The following PHACTR1 variants were observed in gnomAD, a reference collection of about 807,000 sequenced individuals.
PHACTR1 encodes phosphatase and actin regulator 1.
Under a neutral mutation model 69.2 loss-of-function variants are expected in PHACTR1, and 16 were observed. That is an observed-to-expected ratio of 0.23 (90% CI 0.16 to 0.35). The LOEUF (loss-of-function observed/expected upper bound fraction) is 0.35, where lower values mean the gene tolerates loss of function less well. PHACTR1 is among the 10% of genes least tolerant of loss of function. The probability of loss-of-function intolerance (pLI) is 1.00; values close to 1 mark genes in which losing one functional copy is unlikely to be tolerated. For missense variants in PHACTR1, 510 were observed against 734.7 expected (o/e 0.69, Z 3.54); for synonymous variants, 312 against 284.5 (o/e 1.10, Z -0.97).
chr6:12,880,202 A>T (rs1782944155), intron 4 of PHACTR1, among the ~76,000 whole-genome samples: 1 of 150,514 alleles, frequency 6.6e-6, no homozygotes, highest in African/African-American at 2.4e-5. Context: ...ATACTCTCAG[A>T]TTGTCTCTAG....
intron 5 of PHACTR1, among the ~76,000 whole-genome samples, chr6:13,073,633 C>T (rs1258669320): frequency 1.3e-5 from 2 of 151,920 alleles, no homozygotes; most frequent in African/African-American, 4.8e-5. Flanking sequence ...TGAGCCACCA[C>T]GCCTGACCCA....
intron 7 of PHACTR1, among the ~76,000 whole-genome samples, chr6:13,186,014 C>T (rs538396541): frequency 3.3e-5 from 5 of 152,258 alleles, no homozygotes; most frequent in African/African-American, 7.2e-5. Flanking sequence ...CTGTCTTTCA[C>T]GTGATACTGA....
intron 4 of PHACTR1, among the ~76,000 whole-genome samples, chr6:12,985,494 C>G (rs560316774): frequency 4.9e-4 from 71 of 144,912 alleles, no homozygotes; most frequent in African/African-American, 1.7e-3. Context: ...ATTGACCATA[C>G]TACATCATCA....
chr6:12,733,036 G>A (rs972894882), intron 3 of PHACTR1, among the ~76,000 whole-genome samples: 1 of 152,094 alleles, frequency 6.6e-6, no homozygotes, highest in Admixed American at 6.5e-5. Context: ...TATATTGGGT[G>A]GTTCTTCCTT....
At chr6:12,834,184 T>G (rs995877304) in intron 4 of PHACTR1, among the ~76,000 whole-genome samples, 4 of 152,188 alleles carry the variant, frequency 2.6e-5, no homozygotes, top group Non-Finnish European at 5.9e-5. Flanking sequence ...TTCTTTCCAT[T>G]GATGCGTATC....
At chr6:12,919,940 G>A (rs943105462) in intron 4 of PHACTR1, among the ~76,000 whole-genome samples, 1 of 152,106 alleles carries the variant, frequency 6.6e-6, no homozygotes, top group African/African-American at 2.4e-5. Flanking sequence ...ACACATTACT[G>A]CTTGTGTAAC....
intron 5 of PHACTR1, among the ~76,000 whole-genome samples, chr6:13,118,472 T>A (rs575939965): frequency 7.3e-4 from 3 of 4,086 alleles, no homozygotes; most frequent in African/African-American, 1.1e-3. Context: ...ACCAGGGCCA[T>A]TTTTTTTTTT....
intron 4 of PHACTR1, among the ~76,000 whole-genome samples, chr6:12,826,480 G>A (rs902183520): frequency 1.3e-5 from 2 of 152,114 alleles, no homozygotes; most frequent in Non-Finnish European, 2.9e-5. Context: ...TTTTGCCTGT[G>A]AGATTATCAT....
chr6:13,177,298 C>T (rs1761473899), intron 6 of PHACTR1, among the ~76,000 whole-genome samples: 1 of 151,204 alleles, frequency 6.6e-6, no homozygotes, highest in Non-Finnish European at 1.5e-5. Flanking sequence ...TGCACTCCAG[C>T]CTGGGTGATG....
At chr6:12,922,321 A>G (rs1291012756) in intron 4 of PHACTR1, among the ~76,000 whole-genome samples, 1 of 152,230 alleles carries the variant, frequency 6.6e-6, no homozygotes, top group African/African-American at 2.4e-5. Context: ...TAGCAAAAGC[A>G]TGTAAAATTA....
intron 10 of PHACTR1, chr6:13,272,633 G>C: frequency 7.2e-7 from 1 of 1,379,784 alleles, no homozygotes; most frequent in East Asian, 2.6e-5. Context: ...GGCCGCTGCA[G>C]GGAGGAGGGC....
At chr6:13,276,424 G>A (rs547374264) in intron 11 of PHACTR1, among the ~76,000 whole-genome samples, 2 of 152,372 alleles carry the variant, frequency 1.3e-5, no homozygotes, top group East Asian at 3.9e-4. Context: ...AGGTGACACA[G>A]TTATCAGATG....
intron 4 of PHACTR1, among the ~76,000 whole-genome samples, chr6:12,820,398 T>G (rs190168708): frequency 6.6e-6 from 1 of 152,126 alleles, no homozygotes; most frequent in Non-Finnish European, 1.5e-5. Context: ...ACCAGGATGG[T>G]CTCAATCTCC....
rs944319262 is a variant in PHACTR1 at position 12,871,869 on chromosome 6, G to T, written c.250+122079G>T. Among the ~76,000 whole-genome samples, 9 of 150,582 alleles carry T rather than the reference G, an allele frequency of 6.0e-5. 1 individual carries two copies. The highest frequency in any genetic ancestry group is 5.9e-4 in the Admixed American group (9 of 15,178). ...TCCTCTGCATTGATTAGCTGGTATT[G>T]TTCTACAAAAAAAAAACATTCCCTC... is the stretch of plus-strand genomic sequence containing the variant. On this transcript the variant is annotated intron_variant, in intron 4 of 14. Transcript: ENST00000332995.
intron 5 of PHACTR1, among the ~76,000 whole-genome samples, chr6:13,084,935 G>T (rs888607759): frequency 1.3e-5 from 2 of 152,052 alleles, no homozygotes; most frequent in African/African-American, 4.8e-5. Flanking sequence ...CTAATAGAAA[G>T]TAATGAAAAC....
intron 7 of PHACTR1, among the ~76,000 whole-genome samples, chr6:13,201,735 C>T (rs997423891): frequency 8.5e-5 from 13 of 152,148 alleles, no homozygotes; most frequent in East Asian, 3.9e-4. Context: ...GGTTCCAAAT[C>T]GTGCCTCTAG....
chr6:13,232,049 A>G (rs1051463932), intron 10 of PHACTR1, among the ~76,000 whole-genome samples: 1 of 152,238 alleles, frequency 6.6e-6, no homozygotes, highest in African/African-American at 2.4e-5. Flanking sequence ...TACTAGGTGT[A>G]TAGCCTTAAG....
intron 10 of PHACTR1, among the ~76,000 whole-genome samples, chr6:13,232,432 G>A (rs1258199179): frequency 6.6e-6 from 1 of 152,214 alleles, no homozygotes; most frequent in Non-Finnish European, 1.5e-5. Context: ...TAGAGTCATA[G>A]AATGAAAACA....
At chr6:12,905,228 C>T (rs958021791) in intron 4 of PHACTR1, among the ~76,000 whole-genome samples, 1 of 152,174 alleles carries the variant, frequency 6.6e-6, no homozygotes, top group Non-Finnish European at 1.5e-5. Flanking sequence ...TAACGGGGTG[C>T]AGGACCAGTG....
Sources: gnomAD v4.1 joint callset for allele counts (sites outside exome capture counted in the v4.1 genomes callset) on GRCh38, gnomAD v4.1.1 for gene constraint, MANE v1.5 for transcripts, NCBI Gene and HGNC (gene_info 2026-07-23, HGNC 2026-07-21) for gene names.